NRXN3: variants seen among roughly 807,000 people sequenced by gnomAD.
NRXN3 encodes neurexin 3, also known as neurexin III.
Under a neutral mutation model 137.6 loss-of-function variants are expected in NRXN3, and 32 were observed. The observed-to-expected ratio is 0.23, with a 90% CI of 0.18 to 0.31. The LOEUF (loss-of-function observed/expected upper bound fraction) is 0.31. NRXN3 is among the 10% of genes least tolerant of loss of function. The pLI is 1.00. For missense variants in NRXN3, 1,574 were observed against 2,062.5 expected (o/e 0.76, Z 4.59); for synonymous variants, 798 against 784.5 (o/e 1.02, Z -0.29).
At chr14:78,707,101 T>C (rs1038352718) in intron 6 of NRXN3, among the ~76,000 whole-genome samples, 2 of 152,208 alleles carry the variant, frequency 1.3e-5, no homozygotes, top group African/African-American at 2.4e-5. Flanking sequence ...TTTTGTGCCC[T>C]TATGATATTG....
intron 16 of NRXN3, among the ~76,000 whole-genome samples, chr14:79,491,314 A>G (rs1186352166): frequency 6.6e-6 from 1 of 152,100 alleles, no homozygotes; most frequent in Non-Finnish European, 1.5e-5. Context: ...TGCTCAGTGA[A>G]TTACTCAGCC....
At chr14:79,120,146 T>C (rs75877160) in intron 15 of NRXN3, among the ~76,000 whole-genome samples, 7,385 of 152,170 alleles carry the variant, frequency 0.049, 591 homozygotes, top group African/African-American at 0.17. Context: ...GCGAGATCTC[T>C]TTTAAATGGG....
intron 15 of NRXN3, among the ~76,000 whole-genome samples, chr14:79,359,536 C>T (rs2093610627): frequency 6.7e-6 from 1 of 150,170 alleles, no homozygotes. Flanking sequence ...ATTGGAGTTA[C>T]TCTTTATCAG....
At chr14:78,433,728 C>T (rs561162498) in intron 4 of NRXN3, among the ~76,000 whole-genome samples, 1 of 152,112 alleles carries the variant, frequency 6.6e-6, no homozygotes, top group African/African-American at 2.4e-5. Context: ...GGCTCCTTGA[C>T]CTTGGACTTC....
At position 78,803,622 on chromosome 14, in the gene NRXN3, G is replaced by A. The variant is rs773794592; in HGVS notation, c.2047G>A (p.Ala683Thr). Residue 683 changes from alanine (A) to threonine (T), a missense_variant and splice_region_variant, in exon 9 of 21, where the codon GCA becomes ACA. By Grantham distance (58) the Ala-to-Thr change is moderately conservative. Around this residue, in one of 5 missense-constraint regions of NRXN3, gnomAD observed 718 missense variants for 887.6 expected, o/e 0.81. Transcript: ENST00000335750. Reference protein sequence around the residue: ...GYWGRTCEREASILSYDGSMY... With the variant: ...GYWGRTCERETSILSYDGSMY... The stretch of plus-strand genomic sequence containing the variant: ...TCTTCTCCATTCTTCTTTGGCAGAG[G>A]CATCCATCCTGAGCTATGATGGTAG... The A allele has an allele frequency of 4.5e-5, 73 of 1,613,934 alleles. No individual in the cohort carries two copies. Among genetic ancestry groups the A allele is most frequent in the Middle Eastern group, 3.3e-4 (2 of 6,060 alleles).
intron 3 of NRXN3, 151 bp from the exon 4 acceptor site, chr14:78,297,680 T>C: frequency 3.1e-6 from 2 of 652,910 alleles, no homozygotes; most frequent in South Asian, 3.6e-5. Flanking sequence ...ATGTGGAGTC[T>C]GACATGTGAG....
intron 17 of NRXN3, among the ~76,000 whole-genome samples, chr14:79,676,003 G>A (rs1019811453): frequency 2.6e-5 from 4 of 151,986 alleles, no homozygotes; most frequent in African/African-American, 9.7e-5. Context: ...TTGATGCCTT[G>A]CATTGATCTT....
chr14:78,234,400 C>T (rs1304338788), intron 1 of NRXN3, among the ~76,000 whole-genome samples: 1 of 152,206 alleles, frequency 6.6e-6, no homozygotes, highest in African/African-American at 2.4e-5. Flanking sequence ...TAAGTGCCTA[C>T]GTATGATAAT....
At chr14:78,899,308 T>C (rs1438443452) in intron 10 of NRXN3, among the ~76,000 whole-genome samples, 2 of 151,998 alleles carry the variant, frequency 1.3e-5, no homozygotes, top group Non-Finnish European at 2.9e-5. Flanking sequence ...TCACATATGA[T>C]TGGGAGCCTT....
At chr14:79,268,974 G>C (rs2078874790) in intron 15 of NRXN3, among the ~76,000 whole-genome samples, 1 of 152,032 alleles carries the variant, frequency 6.6e-6, no homozygotes, top group Admixed American at 6.6e-5. Flanking sequence ...TTGATCCCTT[G>C]TTCTACCATT....
intron 4 of NRXN3, among the ~76,000 whole-genome samples, chr14:78,494,841 G>C (rs970704858): frequency 1.3e-5 from 2 of 152,010 alleles, no homozygotes; most frequent in African/African-American, 2.4e-5. Flanking sequence ...ATGAAATAAC[G>C]GTCTGGAATA....
chr14:78,839,292 T>C (rs2099005587), intron 10 of NRXN3, among the ~76,000 whole-genome samples: 1 of 152,178 alleles, frequency 6.6e-6, no homozygotes, highest in African/African-American at 2.4e-5. Context: ...CCAAAGATCT[T>C]TAAGGAACTT....
chr14:79,216,588 C>A (rs2068541670), intron 15 of NRXN3, among the ~76,000 whole-genome samples: 1 of 152,100 alleles, frequency 6.6e-6, no homozygotes, highest in African/African-American at 2.4e-5. Flanking sequence ...TATAATATTT[C>A]ATTGAGAAGT....
chr14:79,029,198 A>C (rs1020542399), intron 15 of NRXN3, among the ~76,000 whole-genome samples: 3 of 152,124 alleles, frequency 2.0e-5, no homozygotes, highest in Non-Finnish European at 2.9e-5. Context: ...ATTCTGCATG[A>C]TATGTTTGAG....
intron 3 of NRXN3, among the ~76,000 whole-genome samples, chr14:78,284,467 G>A (rs1010900245): frequency 1.3e-5 from 2 of 152,128 alleles, no homozygotes; most frequent in Non-Finnish European, 2.9e-5. Flanking sequence ...ACTTCCTGAG[G>A]CTGTGTCAGA....
intron 10 of NRXN3, among the ~76,000 whole-genome samples, chr14:78,826,077 T>C (rs1352034530): frequency 6.6e-6 from 1 of 152,212 alleles, no homozygotes; most frequent in Non-Finnish European, 1.5e-5. Context: ...TACCAGATAA[T>C]GTTTTCAATT....
intron 4 of NRXN3, among the ~76,000 whole-genome samples, chr14:78,381,326 C>A (rs560695116): frequency 1.3e-5 from 2 of 152,126 alleles, no homozygotes; most frequent in African/African-American, 4.8e-5. Flanking sequence ...TTAAGAGAAT[C>A]CCCAATAAGA....
At chr14:78,481,316 G>C (rs990119117) in intron 4 of NRXN3, among the ~76,000 whole-genome samples, 2 of 152,208 alleles carry the variant, frequency 1.3e-5, no homozygotes, top group Admixed American at 6.5e-5. Flanking sequence ...CAAGTTAACT[G>C]TCCACTGTTT....
chr14:78,286,681 A>G (rs1016066079), intron 3 of NRXN3, among the ~76,000 whole-genome samples: 1 of 152,154 alleles, frequency 6.6e-6, no homozygotes, highest in African/African-American at 2.4e-5. Context: ...AGCTTATTAG[A>G]GAAATGGTGT....
Sources: allele counts gnomAD v4.1 joint callset (sites outside exome capture counted in the v4.1 genomes callset), GRCh38; gene constraint gnomAD v4.1.1; regional missense constraint gnomAD v4.1.1; transcripts MANE v1.5; gene names NCBI Gene and HGNC (gene_info 2026-07-23, HGNC 2026-07-21).